The following PITPNM3 variants were observed in gnomAD, a reference collection of about 807,000 sequenced individuals.
The protein encoded by PITPNM3 is membrane-associated phosphatidylinositol transfer protein 3.
In PITPNM3, 26 loss-of-function variants were observed where a neutral mutation model predicts 102.0. That is an observed-to-expected ratio of 0.25 (90% CI 0.19 to 0.35). The LOEUF (loss-of-function observed/expected upper bound fraction) is 0.35, where lower values mean the gene tolerates loss of function less well. PITPNM3 is among the 10% of genes least tolerant of loss of function. The pLI is 1.00. For missense variants in PITPNM3, 1,083 were observed against 1,346.1 expected, an observed-to-expected ratio of 0.80 and a Z score of 3.06; for synonymous variants, 578 against 558.6, an observed-to-expected ratio of 1.03 and a Z score of -0.49.
intron 2 of PITPNM3, among the ~76,000 whole-genome samples, chr17:6,529,398 A>C (rs1016444621): frequency 6.6e-6 from 1 of 151,952 alleles, no homozygotes; most frequent in Non-Finnish European, 1.5e-5. Context: ...TTCGAGACCA[A>C]CCTGACCAAC....
At chr17:6,498,642 G>A (rs150160898) in intron 4 of PITPNM3, among the ~76,000 whole-genome samples, 168 of 152,316 alleles carry the variant, frequency 1.1e-3, no homozygotes, top group African/African-American at 3.9e-3. Flanking sequence ...AAGGGATGGG[G>A]ACAGGGAGGA....
chr17:6,505,369 G>T (rs1293533127), intron 3 of PITPNM3, among the ~76,000 whole-genome samples: 1 of 152,012 alleles, frequency 6.6e-6, no homozygotes, highest in Non-Finnish European at 1.5e-5. Flanking sequence ...GCCAGATAGA[G>T]ACAATCAATG....
rs766885445 is a variant in PITPNM3 at position 6,477,065 on chromosome 17, C to A, written c.1049G>T (p.Cys350Phe). 1 of 1,614,070 alleles carries A rather than the reference C, an allele frequency of 6.2e-7. No individual in the cohort carries two copies. The highest frequency in any genetic ancestry group is 8.5e-7 in the Non-Finnish European group (1 of 1,180,030). Residue 350 changes from cysteine (C) to phenylalanine (F), a missense_variant, in exon 9 of 20, where the codon TGC becomes TTC. Cys to Phe is a radical substitution (Grantham distance 205). Coordinates refer to ENST00000262483, the MANE Select transcript of PITPNM3 (RefSeq NM_031220.4). ...RKQSDSSTYD[C>F]EAITQHHAFL... ...GGCATGGTGCTGGGTGATGGCCTCG[C>A]AGTCATAGGTGGAGGAGTCGCTCTG...
Position 6,483,971 on chromosome 17 carries a change from T to C in PITPNM3, c.352-219A>G, listed in dbSNP as rs1905917644. ...ACACCCTGCTGTGTGATAGAACCTC[T>C]GGTGCATTCAGAGTGAGGGAAGGAC... On this transcript the variant is annotated intron_variant, in intron 5 of 19. Coordinates refer to ENST00000262483, the MANE Select transcript of PITPNM3 (RefSeq NM_031220.4). Among the ~76,000 whole-genome samples the C allele has an allele frequency of 2.6e-5, 4 of 152,258 alleles. No homozygotes were observed. In the South Asian group the frequency reaches 8.3e-4, roughly 32 times the overall value.
In PITPNM3 at chr17:6,537,926, T is replaced by TTC; in HGVS notation, c.118+59_118+60dup. 7.0e-7 allele frequency: 1 copy of TTC among 1,428,666 alleles called. No individual in the cohort carries two copies. 88.5% of individuals were successfully genotyped at this position (1,428,666 alleles called of 1,614,324 possible). A position where few individuals can be genotyped will look rare whatever the true frequency, so the allele number is the denominator to read the frequency against. On this transcript the variant is annotated intron_variant, in intron 2 of 19. Transcript: ENST00000262483. This position sits in a 1 kb window ranked among gnomAD's most constrained non-coding sequence, Gnocchi z 4.4. ...GGGATGCGGACCCCCAAATGGGATCTTCTTCTTGAGGCTTCTAGGAAGGTC... is the reference window on the plus strand; with the variant it reads ...GGGATGCGGACCCCCAAATGGGATCTTCTCTTCTTGAGGCTTCTAGGAAGGTC...
chr17:6,456,782 C>A (rs2137796), intron 19 of PITPNM3, among the ~76,000 whole-genome samples: 49,714 of 151,894 alleles, frequency 0.33, 8,481 homozygotes, highest in East Asian at 0.57. Flanking sequence ...AATAGTGGCA[C>A]CTCCTACGTG....
At chr17:6,520,943 T>C (rs1350430257) in intron 3 of PITPNM3, among the ~76,000 whole-genome samples, 2 of 152,134 alleles carry the variant, frequency 1.3e-5, no homozygotes, top group African/African-American at 4.8e-5. Flanking sequence ...GTCAAATTCA[T>C]GGAGACAGAA....
intron 2 of PITPNM3, among the ~76,000 whole-genome samples, chr17:6,526,186 T>C (rs1908823680): frequency 6.6e-6 from 1 of 152,210 alleles, no homozygotes; most frequent in African/African-American, 2.4e-5. Context: ...GTTCTTTCCT[T>C]GTCTGAGCAT....
intron 3 of PITPNM3, among the ~76,000 whole-genome samples, chr17:6,504,282 G>A (rs1179703272): frequency 6.6e-6 from 1 of 151,976 alleles, no homozygotes; most frequent in African/African-American, 2.4e-5. Context: ...CATCTCCACA[G>A]CCCACACTCC....
chr17:6,492,420 A>G (rs573803391), intron 4 of PITPNM3, among the ~76,000 whole-genome samples: 61 of 152,330 alleles, frequency 4.0e-4, no homozygotes, highest in African/African-American at 1.4e-3. Context: ...TACAAACACT[A>G]CAAAGAAAAA....
chr17:6,477,971 G>T lies in PITPNM3; in HGVS notation c.900+4C>A. 1 of 1,612,442 alleles carries T rather than the reference G, an allele frequency of 6.2e-7. No homozygotes were observed. On this transcript the variant is annotated splice_donor_region_variant and intron_variant, in intron 8 of 19. Transcript: ENST00000262483. ...CCTCCCGCGGTCCTGTCCCCCGGCT[G>T]TACCTGGGTGCTGCTGATGCTCCCC...
rs1350343458 is a variant in PITPNM3, at chr17:6,461,413, A to C, written c.2450T>G (p.Leu817Arg). ...FFSDGLVHDP[L>R]RQKAIFLRNL... ...GCGCAGGAAGATGGCCTTCTGCCGCAGCGGGTCATGCACCAGCCCATCGGA... is the reference window on the plus strand; with the variant it reads ...GCGCAGGAAGATGGCCTTCTGCCGCCGCGGGTCATGCACCAGCCCATCGGA... Residue 817 changes from leucine (L) to arginine (R), a missense_variant, in exon 18 of 20, where the codon CTG (leucine) becomes CGG (arginine). Physicochemically the swap from Leu to Arg is moderately radical, Grantham distance 102. Coordinates refer to ENST00000262483, the MANE Select transcript of PITPNM3 (RefSeq NM_031220.4). 10 of 1,614,166 alleles carry C rather than the reference A, an allele frequency of 6.2e-6. No homozygotes were observed. Among genetic ancestry groups the C allele is most frequent in the Non-Finnish European group, 8.5e-6 (10 of 1,180,036 alleles).
In PITPNM3 at chr17:6,468,123, A is replaced by G. The variant is rs1253439388; in HGVS notation, c.1890+102T>C. ...GTTTGGGTGCTGAGCTCTGAGGACA[A>G]ATTGAAGCGCTTACCTCCCATGTGG... On this transcript the variant is annotated intron_variant, in intron 14 of 19. Transcript: ENST00000262483. The surrounding 1 kb of genome is among the most constrained non-coding windows in gnomAD (Gnocchi z 5.2). 8 of 1,149,730 alleles carry G rather than the reference A, an allele frequency of 7.0e-6. No homozygotes were observed. The East Asian group carries it at 1.9e-4, about 27-fold the overall frequency. The allele number at this position is 1,149,730 out of a possible 1,614,324, so 71.2% of individuals were successfully genotyped here. A position where few individuals can be genotyped will look rare whatever the true frequency, so the allele number is the denominator to read the frequency against.
At chr17:6,516,043 C>T (rs936085209) in intron 3 of PITPNM3, among the ~76,000 whole-genome samples, 8 of 152,080 alleles carry the variant, frequency 5.3e-5, no homozygotes, top group African/African-American at 1.9e-4. Flanking sequence ...TGTGGTAGTG[C>T]AGGCCTGTGG....
intron 4 of PITPNM3, among the ~76,000 whole-genome samples, chr17:6,496,676 A>G (rs891693071): frequency 6.6e-6 from 1 of 152,094 alleles, no homozygotes; most frequent in African/African-American, 2.4e-5. Flanking sequence ...ATTTTGCTCT[A>G]TTTTATCCCC....
At chr17:6,466,014 C>T (rs547949453) in intron 14 of PITPNM3, among the ~76,000 whole-genome samples, 4 of 152,342 alleles carry the variant, frequency 2.6e-5, no homozygotes, top group African/African-American at 9.6e-5. Flanking sequence ...CTGCCCTCTG[C>T]GTAGAGTCCG....
chr17:6,544,495 G>T (rs1228316670), intron 1 of PITPNM3, among the ~76,000 whole-genome samples: 1 of 152,032 alleles, frequency 6.6e-6, no homozygotes, highest in East Asian at 1.9e-4. Flanking sequence ...TCATGCCACT[G>T]CCCTCCAGCC....
chr17:6,522,290 A>G lies in PITPNM3; in HGVS notation c.226+3066T>C, dbSNP rs201556164. On this transcript the variant is annotated intron_variant, in intron 3 of 19. Transcript: ENST00000262483. ...CATGAGGTATATTTAGTGTGCGCAC[A>G]CACACACACACACACACACACACAG... 8.0e-3 allele frequency among the ~76,000 whole-genome samples: 1,171 copies of G among 147,034 alleles called. 10 individuals carry two copies. The highest frequency in any genetic ancestry group is 0.025 in the African/African-American group (987 of 39,632).
chr17:6,470,513 G>C lies in PITPNM3; in HGVS notation c.1625-105C>G. 6.6e-7 allele frequency: 1 copy of C among 1,511,774 alleles called. No homozygotes were observed. Among genetic ancestry groups the C allele is most frequent in the Non-Finnish European group, 9.1e-7 (1 of 1,095,434 alleles). 93.6% of individuals were successfully genotyped at this position (1,511,774 alleles called of 1,614,324 possible). A position where few individuals can be genotyped will look rare whatever the true frequency, so the allele number is the denominator to read the frequency against. On this transcript the variant is annotated intron_variant, in intron 12 of 19. Coordinates refer to ENST00000262483, the MANE Select transcript of PITPNM3 (RefSeq NM_031220.4). The surrounding 1 kb of genome is among the most constrained non-coding windows in gnomAD (Gnocchi z 4.8). The stretch of plus-strand genomic sequence containing the variant: ...AGACTGGTGGTGGATGCCCCACGTG[G>C]GGCACGGGTTTGGGCGGGAGCACCC...
Sources: allele counts gnomAD v4.1 joint callset (sites outside exome capture counted in the v4.1 genomes callset), GRCh38; gene constraint gnomAD v4.1.1; non-coding constraint Gnocchi (gnomAD v3.1); transcripts MANE v1.5; gene names NCBI Gene and HGNC (gene_info 2026-07-23, HGNC 2026-07-21).